Variants in PID1 observed in about 807,000 individuals in gnomAD.
PID1 encodes PTB-containing, cubilin and LRP1-interacting protein.
PID1 carries 10 observed loss-of-function variants against 19.1 expected under a neutral mutation model. The observed-to-expected ratio is 0.52, with a 90% confidence interval of 0.32 to 0.89. The LOEUF is 0.89. Among genes scored for constraint, PID1 ranks in the 40% least tolerant of loss-of-function variants. The pLI is 0.03. For synonymous variants in PID1, 130 were observed against 116.0 expected, an observed-to-expected ratio of 1.12 and a Z score of -0.78; for missense variants, 248 against 285.3, an observed-to-expected ratio of 0.87 and a Z score of 0.94.
chr2:229,200,478 T>C (rs1037281797), intron 1 of PID1, among the ~76,000 whole-genome samples: 3 of 152,036 alleles, frequency 2.0e-5, no homozygotes, highest in African/African-American at 7.2e-5. Context: ...GCTGTTGAGA[T>C]GCTGGTCAAA....
chr2:229,103,089 T>G (rs1695105913), intron 2 of PID1, among the ~76,000 whole-genome samples: 1 of 152,188 alleles, frequency 6.6e-6, no homozygotes, highest in Non-Finnish European at 1.5e-5. Flanking sequence ...GGTTCCTCTT[T>G]TTGAATCAGG....
At chr2:229,261,985 A>G (rs1302250676) in intron 1 of PID1, among the ~76,000 whole-genome samples, 1 of 152,170 alleles carries the variant, frequency 6.6e-6, no homozygotes, top group East Asian at 1.9e-4. Flanking sequence ...TAAAAAACAA[A>G]ACAAAACACC....
intron 1 of PID1, among the ~76,000 whole-genome samples, chr2:229,162,563 C>A (rs1479238603): frequency 6.6e-6 from 1 of 152,112 alleles, no homozygotes; most frequent in Non-Finnish European, 1.5e-5. Flanking sequence ...AATCGAGCTT[C>A]AAAAATATGG....
intron 1 of PID1, among the ~76,000 whole-genome samples, chr2:229,233,809 T>C (rs967581163): frequency 6.6e-6 from 1 of 152,202 alleles, no homozygotes; most frequent in African/African-American, 2.4e-5. Context: ...AGATTTTCTA[T>C]AGTTATTATA....
intron 1 of PID1, among the ~76,000 whole-genome samples, chr2:229,266,524 A>G (rs1247176228): frequency 6.6e-6 from 1 of 152,172 alleles, no homozygotes; most frequent in Non-Finnish European, 1.5e-5. Context: ...AGCCCACAAA[A>G]CAGTCATTGC....
Position 229,090,615 on chromosome 2 carries a change from A to G in PID1, c.178-64507T>C, listed in dbSNP as rs561813376. On this transcript the variant is annotated intron_variant, in intron 2 of 2. Transcript: ENST00000392055. ...CCAGCTCTCTGAGTAATTTTTAAGT[A>G]CCCAATTCCCTGTCTTATATCCCAT... Among the ~76,000 whole-genome samples, 4 of 152,286 alleles carry G rather than the reference A, an allele frequency of 2.6e-5. 1 individual carries two copies. In the South Asian group the frequency reaches 8.3e-4, roughly 32 times the overall value.
In PID1 at chr2:229,095,783, T is replaced by C. The variant is rs146336814; in HGVS notation, c.177+60035A>G. 2.0e-3 allele frequency among the ~76,000 whole-genome samples: 311 copies of C among 152,288 alleles called. 4 individuals carry two copies. Among genetic ancestry groups the C allele is most frequent in the Admixed American group, 0.019 (283 of 15,286 alleles). On this transcript the variant is annotated intron_variant, in intron 2 of 2. Transcript: ENST00000392055. ...GGTACAGACTGAAAAATGTTTCTTC[T>C]GGATATGAGCAGTCATAAAAAAAAG... is the stretch of plus-strand genomic sequence containing the variant.
chr2:229,144,639 T>C (rs1340966458), intron 2 of PID1, among the ~76,000 whole-genome samples: 4 of 152,166 alleles, frequency 2.6e-5, no homozygotes, highest in Non-Finnish European at 4.4e-5. Context: ...ATAGTCATTA[T>C]TGGCCTAAAT....
At chr2:229,224,738 G>T (rs1409061303) in intron 1 of PID1, among the ~76,000 whole-genome samples, 1 of 151,632 alleles carries the variant, frequency 6.6e-6, no homozygotes, top group Non-Finnish European at 1.5e-5. Flanking sequence ...TTTCCATTTG[G>T]TTTGGGGTTT....
At chr2:229,236,394 A>G (rs1265385016) in intron 1 of PID1, 1 of 152,166 alleles carries the variant, frequency 6.6e-6, no homozygotes. Flanking sequence ...TAGAGTGGTC[A>G]GTCGCAGCTT....
intron 2 of PID1, among the ~76,000 whole-genome samples, chr2:229,138,673 T>C (rs1201294853): frequency 1.3e-5 from 2 of 152,138 alleles, no homozygotes; most frequent in South Asian, 2.1e-4. Context: ...TGATTTCCCT[T>C]TGGGAGTCCA....
At chr2:229,209,673 G>A (rs1691685263) in intron 1 of PID1, among the ~76,000 whole-genome samples, 1 of 152,126 alleles carries the variant, frequency 6.6e-6, no homozygotes, top group African/African-American at 2.4e-5. Context: ...CTGCAACCTA[G>A]CCTGGAATCC....
At chr2:229,041,107 T>C (rs1376009083) in intron 2 of PID1, among the ~76,000 whole-genome samples, 1 of 152,192 alleles carries the variant, frequency 6.6e-6, no homozygotes, top group Admixed American at 6.5e-5. Context: ...CGAGCAGTAA[T>C]GTGCCAGTCA....
At chr2:229,143,933 C>T (rs1387270348) in intron 2 of PID1, among the ~76,000 whole-genome samples, 1 of 151,984 alleles carries the variant, frequency 6.6e-6, no homozygotes, top group Non-Finnish European at 1.5e-5. Flanking sequence ...CAGGTAGTTC[C>T]TTATAGCAGT....
chr2:229,165,478 G>A (rs564466639), intron 1 of PID1, among the ~76,000 whole-genome samples: 18 of 152,100 alleles, frequency 1.2e-4, no homozygotes, highest in African/African-American at 4.3e-4. Flanking sequence ...CTACTTGGGA[G>A]GCTGAGGTGG....
intron 2 of PID1, among the ~76,000 whole-genome samples, chr2:229,043,699 C>T (rs1237223896): frequency 6.6e-6 from 1 of 152,194 alleles, no homozygotes; most frequent in African/African-American, 2.4e-5. Flanking sequence ...TTTTAGGACA[C>T]AGCAGCACAT....
chr2:229,185,710 T>A (rs2079996), intron 1 of PID1, among the ~76,000 whole-genome samples: 1 of 152,038 alleles, frequency 6.6e-6, no homozygotes, highest in Non-Finnish European at 1.5e-5. Flanking sequence ...CAGGAAAGAC[T>A]GCCCCCATGA....
At chr2:229,040,770 C>A (rs1355282450) in intron 2 of PID1, among the ~76,000 whole-genome samples, 2 of 152,176 alleles carry the variant, frequency 1.3e-5, no homozygotes, top group Non-Finnish European at 2.9e-5. Flanking sequence ...AAACTATAAA[C>A]CATCATTGTA....
chr2:229,146,542 TG>T (rs1690138933), intron 2 of PID1, among the ~76,000 whole-genome samples: 2 of 152,050 alleles, frequency 1.3e-5, no homozygotes, highest in African/African-American at 2.4e-5. Context: ...TGTGTGTGTG[TG>T]TGTGTGTGTT....
Sources: allele counts gnomAD v4.1 joint callset (sites outside exome capture counted in the v4.1 genomes callset), GRCh38; gene constraint gnomAD v4.1.1; transcripts MANE v1.5; gene names NCBI Gene and HGNC (gene_info 2026-07-23, HGNC 2026-07-21).